The following SLC13A4 variants were observed in gnomAD, a reference collection of about 807,000 sequenced individuals.
The protein encoded by SLC13A4 is Na(+)/sulfate cotransporter SUT-1.
A neutral mutation model predicts 72.7 loss-of-function variants in SLC13A4; 28 were observed. The observed-to-expected ratio is 0.39, with a 90% CI of 0.29 to 0.53. The LOEUF (loss-of-function observed/expected upper bound fraction) is 0.53, where lower values mean the gene tolerates loss of function less well. SLC13A4 is among the 20% of genes least tolerant of loss of function. The pLI is 0.78. For synonymous variants in SLC13A4, 312 were observed against 325.5 expected, an observed-to-expected ratio of 0.96 and a Z score of 0.45; for missense variants, 653 against 788.0, an observed-to-expected ratio of 0.83 and a Z score of 2.05.
At chr7:135,700,109 C>G (rs1277358004) in intron 7 of SLC13A4, among the ~76,000 whole-genome samples, 1 of 152,162 alleles carries the variant, frequency 6.6e-6, no homozygotes, top group Non-Finnish European at 1.5e-5. Context: ...CATAAAAACC[C>G]TAGTCTTCAT....
At chr7:135,715,062 AT>A (rs1937178046) in intron 2 of SLC13A4, among the ~76,000 whole-genome samples, 1 of 149,878 alleles carries the variant, frequency 6.7e-6, no homozygotes, top group African/African-American at 2.5e-5. Flanking sequence ...GTGTATGTGA[AT>A]GTGTGTGTGT....
At chr7:135,705,713 G>A (rs1190709975) in intron 4 of SLC13A4, 63 bp from the exon 5 acceptor site, 1 of 1,468,878 alleles carries the variant, frequency 6.8e-7, no homozygotes, top group Non-Finnish European at 9.5e-7. Context: ...CTGTGGGTTG[G>A]AGCATAGCTC....
chr7:135,719,903 G>A (rs1333700774), intron 2 of SLC13A4, among the ~76,000 whole-genome samples: 3 of 145,866 alleles, frequency 2.1e-5, no homozygotes, highest in Non-Finnish European at 4.5e-5. Context: ...GAGAGAGAGA[G>A]GAGAGAGAGA....
At chr7:135,726,141 C>T (rs536884822) in intron 1 of SLC13A4, among the ~76,000 whole-genome samples, 11 of 151,734 alleles carry the variant, frequency 7.2e-5, no homozygotes, top group South Asian at 2.1e-4. Flanking sequence ...GTATGTCTCT[C>T]GGTAACAGTC....
At chr7:135,695,555 T>A in intron 8 of SLC13A4, 68 bp from the exon 9 acceptor site, 1 of 1,532,270 alleles carries the variant, frequency 6.5e-7, no homozygotes, top group Non-Finnish European at 8.9e-7. Flanking sequence ...TGGGGTAGTA[T>A]GCCAAATGCT....
chr7:135,706,371 C>T, intron 3 of SLC13A4, 71 bp from the exon 4 acceptor site: 3 of 1,480,346 alleles, frequency 2.0e-6, no homozygotes, highest in Non-Finnish European at 2.7e-6. Flanking sequence ...AGTGGGCCTC[C>T]TACCAACCTG....
rs746312103 is a variant in SLC13A4, at chr7:135,681,610, T to C, written c.1837A>G (p.Thr613Ala). 1.2e-6 allele frequency: 2 copies of C among 1,614,120 alleles called. No individual in the cohort carries two copies. Among genetic ancestry groups the C allele is most frequent in the Admixed American group, 1.7e-5 (1 of 60,012 alleles). ...CTGACCCTCGCCCATGCTGGGTAAG[T>C]GTCCAGGTGGAAGAGGCTAACTCCC... ...TWGVSLFHLDTYPAWARVSNI... is the reference protein window; with the variant it reads ...TWGVSLFHLDAYPAWARVSNI... The change falls in exon 16 of 16, where the codon ACT becomes GCT. Residue 613 changes from threonine to alanine, a missense_variant. Coordinates refer to ENST00000682651, the MANE Select transcript of SLC13A4 (RefSeq NM_001318192.2).
chr7:135,711,046 G>A (rs1209590580), intron 2 of SLC13A4, among the ~76,000 whole-genome samples: 2 of 152,208 alleles, frequency 1.3e-5, no homozygotes, highest in Non-Finnish European at 2.9e-5. Context: ...GGCACTGCAG[G>A]ATTGTCCTAG....
At chr7:135,684,356 G>A in intron 14 of SLC13A4, 95 bp from the exon 15 acceptor site, 1 of 1,434,682 alleles carries the variant, frequency 7.0e-7, no homozygotes, top group African/African-American at 1.4e-5. Flanking sequence ...CTTGGTGCTG[G>A]CTAACCTTAG....
intron 9 of SLC13A4, 137 bp from the exon 10 acceptor site, chr7:135,694,375 C>G (rs902808741): frequency 1.5e-5 from 9 of 606,748 alleles, no homozygotes; most frequent in Non-Finnish European, 2.3e-5. Flanking sequence ...CCTCTATCCC[C>G]CACCTATTCA....
At chr7:135,715,150 TGA>T (rs1413456874) in intron 2 of SLC13A4, among the ~76,000 whole-genome samples, 31 of 151,504 alleles carry the variant, frequency 2.0e-4, no homozygotes, top group African/African-American at 5.1e-4. Flanking sequence ...AATGTGTGTA[TGA>T]GTGTGTGAGA....
Position 135,721,329 on chromosome 7 carries a change from T to C in SLC13A4, c.228+66A>G, listed in dbSNP as rs570048877. 97 of 1,583,898 alleles carry C rather than the reference T, an allele frequency of 6.1e-5. No individual in the cohort carries two copies. The East Asian group carries it at 2.0e-3, about 33-fold the overall frequency. On this transcript the variant is annotated intron_variant, in intron 2 of 15. Transcript: ENST00000682651. ...CAAGTGCTGGGTGAATCTCCCTTCA[T>C]TGGAGGCTCTCTTTCAGGGGCCCTG...
rs184657826 is a variant in SLC13A4, at chr7:135,715,369, A to G, written c.228+6026T>C. 1.8e-4 allele frequency among the ~76,000 whole-genome samples: 17 copies of G among 95,322 alleles called. No individual in the cohort carries two copies. The East Asian group carries it at 3.2e-3, about 18-fold the overall frequency. 62.5% of individuals were successfully genotyped at this position (95,322 alleles called of 152,430 possible). A position where few individuals can be genotyped will look rare whatever the true frequency, so the allele number is the denominator to read the frequency against. ...TGAGCGTGTGTATGAGTGTATGTGT[A>G]TGAGTGTGTGAGTGTGTATGTGTGA... On this transcript the variant is annotated intron_variant, in intron 2 of 15. Coordinates refer to ENST00000682651, the MANE Select transcript of SLC13A4 (RefSeq NM_001318192.2).
chr7:135,699,418 A>G lies in SLC13A4; in HGVS notation c.845T>C (p.Leu282Pro). The G allele has an allele frequency of 6.2e-7, 1 of 1,613,344 alleles. No individual in the cohort carries two copies. Among genetic ancestry groups the G allele is most frequent in the Non-Finnish European group, 8.5e-7 (1 of 1,179,656 alleles). ...SISYSATIGG[L>P]TTIIGTSTSL... ...GGTGGAGGTGCCGATGATGGTGGTCAGGCCGCCAATGGTAGCGGAGTAGGA... is the reference window on the plus strand; with the variant it reads ...GGTGGAGGTGCCGATGATGGTGGTCGGGCCGCCAATGGTAGCGGAGTAGGA... The change falls in exon 8 of 16, where the codon CTG (leucine) becomes CCG (proline). Residue 282 changes from leucine to proline, a missense_variant. By Grantham distance (98) the Leu-to-Pro change is moderately conservative. Transcript: ENST00000682651.
chr7:135,723,617 C>A (rs969388560), intron 1 of SLC13A4, among the ~76,000 whole-genome samples: 1 of 152,180 alleles, frequency 6.6e-6, no homozygotes, highest in East Asian at 1.9e-4. Context: ...AGGAACCTGA[C>A]AAATCTTGCT....
chr7:135,690,515 G>A (rs981795290), intron 13 of SLC13A4, among the ~76,000 whole-genome samples: 3 of 152,070 alleles, frequency 2.0e-5, no homozygotes, highest in South Asian at 2.1e-4. Flanking sequence ...TACAGAGATC[G>A]CCTATTACCA....
In SLC13A4 at chr7:135,692,524, C is replaced by T. The variant is rs772355068; in HGVS notation, c.1122-100G>A. 4.3e-4 allele frequency: 338 copies of T among 782,796 alleles called. 1 individual carries two copies. Among genetic ancestry groups the T allele is most frequent in the Non-Finnish European group, 6.1e-4 (299 of 487,510 alleles). The allele number at this position is 782,796 out of a possible 1,614,324, so 48.5% of individuals were successfully genotyped here. On this transcript the variant is annotated intron_variant, in intron 10 of 15. Coordinates refer to ENST00000682651, the MANE Select transcript of SLC13A4 (RefSeq NM_001318192.2). ...CTTCTGTATTTAGAGTTTCAATACC[C>T]TAGACATAAAACACACTCACTGCCT...
chr7:135,722,257 A>C (rs1168719277), intron 1 of SLC13A4, among the ~76,000 whole-genome samples: 1 of 144,814 alleles, frequency 6.9e-6, no homozygotes, highest in African/African-American at 2.6e-5. Context: ...CTGTCTCAAA[A>C]AAACAAGCAA....
At chr7:135,695,217 T>A (rs552186081) in intron 9 of SLC13A4, 151 bp downstream of exon 9, 1 of 960,768 alleles carries the variant, frequency 1.0e-6, no homozygotes, top group East Asian at 2.5e-5. Flanking sequence ...AGACAGCACC[T>A]GACTCTCAGA....
Sources: allele counts gnomAD v4.1 joint callset (sites outside exome capture counted in the v4.1 genomes callset), GRCh38; gene constraint gnomAD v4.1.1; transcripts MANE v1.5; gene names NCBI Gene and HGNC (gene_info 2026-07-23, HGNC 2026-07-21).